MGAT5: variants seen among roughly 807,000 people sequenced by gnomAD.
MGAT5 encodes alpha-1,6-mannosylglycoprotein 6-beta-N-acetylglucosaminyltransferase A.
Under a neutral mutation model 94.3 loss-of-function variants are expected in MGAT5, and 30 were observed. The ratio of observed to expected loss-of-function variants is 0.32; its 90% CI spans 0.24 to 0.43. The LOEUF (loss-of-function observed/expected upper bound fraction) is 0.43. Ranked by LOEUF, MGAT5 falls within the 20% of genes least tolerant of loss-of-function variation. MGAT5 has a pLI of 1.00. For missense variants in MGAT5, 691 were observed against 905.5 expected, an observed-to-expected ratio of 0.76 and a Z score of 3.04; for synonymous variants, 310 against 322.9, an observed-to-expected ratio of 0.96 and a Z score of 0.43.
intron 12 of MGAT5, among the ~76,000 whole-genome samples, chr2:134,421,310 C>T (rs1558874281): frequency 6.6e-6 from 1 of 152,150 alleles, no homozygotes; most frequent in Non-Finnish European, 1.5e-5. Context: ...TCTGACTGGG[C>T]ATGGTGGTTC....
intron 1 of MGAT5, among the ~76,000 whole-genome samples, chr2:134,131,359 C>G (rs1686154971): frequency 6.6e-6 from 1 of 152,186 alleles, no homozygotes; most frequent in South Asian, 2.1e-4. Flanking sequence ...AGGAAACTTG[C>G]CCAGGGTCAC....
At chr2:134,224,093 T>A (rs1368281392) in intron 1 of MGAT5, among the ~76,000 whole-genome samples, 1 of 152,244 alleles carries the variant, frequency 6.6e-6, no homozygotes, top group Non-Finnish European at 1.5e-5. Context: ...AAATGCCATT[T>A]ACAAACTGAA....
chr2:134,442,101 T>C (rs991039606), intron 15 of MGAT5, among the ~76,000 whole-genome samples, 186 bp downstream of exon 15: 3 of 152,198 alleles, frequency 2.0e-5, no homozygotes, highest in Non-Finnish European at 4.4e-5. Flanking sequence ...CCGTTCCTTT[T>C]GGGTGAGATG....
intron 1 of MGAT5, among the ~76,000 whole-genome samples, chr2:134,233,347 A>C (rs79840486): frequency 6.6e-6 from 1 of 152,208 alleles, no homozygotes; most frequent in Non-Finnish European, 1.5e-5. Context: ...CTGACCCAGA[A>C]AATTCTTTGA....
chr2:134,350,454 T>G lies in MGAT5; in HGVS notation c.1246+516T>G, dbSNP rs541453243. ...ATTTTTTTCAATCCTAGGCCCAGAA[T>G]GAAATTTTACCTTCTCTTGCTGACT... On this transcript the variant is annotated intron_variant, in intron 9 of 15. Transcript: ENST00000281923. Among the ~76,000 whole-genome samples, 7 of 152,282 alleles carry G rather than the reference T, an allele frequency of 4.6e-5. No homozygotes were observed. The South Asian group carries it at 8.3e-4, about 18-fold the overall frequency.
chr2:134,265,277 C>T (rs1000173887), intron 1 of MGAT5, among the ~76,000 whole-genome samples: 3 of 152,170 alleles, frequency 2.0e-5, no homozygotes, highest in Non-Finnish European at 2.9e-5. Context: ...GATCTATAAA[C>T]CTTATTCCAC....
At chr2:134,394,309 G>A (rs953560080) in intron 10 of MGAT5, among the ~76,000 whole-genome samples, 1 of 151,978 alleles carries the variant, frequency 6.6e-6, no homozygotes, top group African/African-American at 2.4e-5. Context: ...GTGTGTGTTC[G>A]TATTTTTATA....
At chr2:134,416,864 C>T (rs1684005486) in intron 12 of MGAT5, among the ~76,000 whole-genome samples, 1 of 151,490 alleles carries the variant, frequency 6.6e-6, no homozygotes, top group African/African-American at 2.4e-5. Flanking sequence ...CCTCAGCCTC[C>T]CAAAGTGCTG....
At chr2:134,293,019 G>A (rs1573722786) in intron 2 of MGAT5, among the ~76,000 whole-genome samples, 2 of 152,160 alleles carry the variant, frequency 1.3e-5, no homozygotes, top group African/African-American at 4.8e-5. Flanking sequence ...GTTGTCACTG[G>A]GAAAAATAGC....
intron 12 of MGAT5, among the ~76,000 whole-genome samples, chr2:134,414,494 A>T (rs1037020669): frequency 4.6e-5 from 7 of 152,098 alleles, no homozygotes; most frequent in African/African-American, 1.4e-4. Flanking sequence ...TTTTTTGTTT[A>T]TTTTTGACAA....
intron 8 of MGAT5, 86 bp from the exon 9 acceptor site, chr2:134,349,719 T>C: frequency 7.0e-7 from 1 of 1,430,776 alleles, no homozygotes; most frequent in Non-Finnish European, 9.5e-7. Context: ...CTATTTTTAG[T>C]AGTCTTGAAG....
At chr2:134,439,260 A>G (rs1008088268) in intron 14 of MGAT5, among the ~76,000 whole-genome samples, 3 of 152,206 alleles carry the variant, frequency 2.0e-5, no homozygotes, top group Non-Finnish European at 4.4e-5. Context: ...TGAGGAAACT[A>G]AGGCTTCAGA....
intron 1 of MGAT5, chr2:134,231,172 A>G (rs1168534851): frequency 2.0e-5 from 3 of 152,240 alleles, no homozygotes; most frequent in South Asian, 2.1e-4. Flanking sequence ...TCTTTTGGGT[A>G]TGATAAAATG....
intron 2 of MGAT5, among the ~76,000 whole-genome samples, chr2:134,282,583 G>A (rs998602666): frequency 6.6e-6 from 1 of 152,146 alleles, no homozygotes; most frequent in Non-Finnish European, 1.5e-5. Context: ...TAACAGATAC[G>A]GCAAGTGCCT....
chr2:134,360,263 T>A (rs1300292072), intron 9 of MGAT5, among the ~76,000 whole-genome samples: 1 of 152,188 alleles, frequency 6.6e-6, no homozygotes, highest in African/African-American at 2.4e-5. Flanking sequence ...CCACCATTCC[T>A]CACAAGTTTT....
chr2:134,164,956 C>CT (rs1328649653), intron 1 of MGAT5, among the ~76,000 whole-genome samples: 1 of 152,120 alleles, frequency 6.6e-6, no homozygotes, highest in Non-Finnish European at 1.5e-5. Context: ...GGTAAGGAGG[C>CT]TGTGTCCTCC....
intron 1 of MGAT5, among the ~76,000 whole-genome samples, chr2:134,215,427 G>C (rs151146555): frequency 7.9e-5 from 12 of 152,284 alleles, no homozygotes; most frequent in African/African-American, 2.9e-4. Flanking sequence ...GGCTACATCT[G>C]CTCAGCTTTT....
intron 1 of MGAT5, among the ~76,000 whole-genome samples, chr2:134,224,161 T>C (rs1179803935): frequency 1.3e-5 from 2 of 152,218 alleles, no homozygotes; most frequent in Non-Finnish European, 2.9e-5. Context: ...GGTTGTGGGT[T>C]TGTCTTGACA....
intron 4 of MGAT5, among the ~76,000 whole-genome samples, chr2:134,326,820 C>G (rs1031944402): frequency 2.6e-5 from 4 of 151,804 alleles, no homozygotes; most frequent in Non-Finnish European, 4.4e-5. Context: ...CAGGATAGGC[C>G]CTACTGAGAA....
Sources: allele counts gnomAD v4.1 joint callset (sites outside exome capture counted in the v4.1 genomes callset), GRCh38; gene constraint gnomAD v4.1.1; transcripts MANE v1.5; gene names NCBI Gene and HGNC (gene_info 2026-07-23, HGNC 2026-07-21).